SLC28A3: variants seen among roughly 807,000 people sequenced by gnomAD.
SLC28A3 encodes solute carrier family 28 member 3, also known as concentrative Na(+)-nucleoside cotransporter 3.
In SLC28A3, 68 loss-of-function variants were observed where a neutral mutation model predicts 84.2. The observed-to-expected ratio is 0.81, with a 90% CI of 0.66 to 0.99. SLC28A3 has a LOEUF of 0.99. Among genes scored for constraint, SLC28A3 ranks in the 50% least tolerant of loss-of-function variants. The pLI is 0.00. For synonymous variants in SLC28A3, 267 were observed against 303.6 expected, an observed-to-expected ratio of 0.88 and a Z score of 1.25; for missense variants, 712 against 841.5, an observed-to-expected ratio of 0.85 and a Z score of 1.90.
chr9:84,294,115 C>A, intron 9 of SLC28A3, 80 bp downstream of exon 9: 1 of 1,284,208 alleles, frequency 7.8e-7, no homozygotes, highest in Non-Finnish European at 1.1e-6. Context: ...TCGTAAATAC[C>A]TGCATAAAAG....
chr9:84,334,880 C>T (rs1269963069), intron 1 of SLC28A3, among the ~76,000 whole-genome samples: 2 of 152,262 alleles, frequency 1.3e-5, no homozygotes, highest in South Asian at 2.1e-4. Context: ...TCTGTCCTTT[C>T]GGAGTCTTTT....
intron 4 of SLC28A3, 67 bp from the exon 5 acceptor site, chr9:84,302,456 C>G: frequency 5.3e-6 from 8 of 1,520,786 alleles, no homozygotes. Flanking sequence ...AGGCTCCAGC[C>G]TTGTTCTGGC....
intron 4 of SLC28A3, among the ~76,000 whole-genome samples, chr9:84,304,030 C>A (rs1302174532): frequency 8.5e-5 from 13 of 152,230 alleles, no homozygotes; most frequent in Non-Finnish European, 1.8e-4. Context: ...GGCCACCTTG[C>A]AGGCTGCAAC....
At chr9:84,290,416 TCAC>T (rs1825168457) in intron 10 of SLC28A3, 137 bp from the exon 11 acceptor site, 1 of 1,070,676 alleles carries the variant, frequency 9.3e-7, no homozygotes, top group Non-Finnish European at 1.3e-6. Flanking sequence ...TCCATCAGCG[TCAC>T]CTGGAAACTC....
chr9:84,338,628 T>C (rs960695518), intron 1 of SLC28A3, among the ~76,000 whole-genome samples: 1 of 152,172 alleles, frequency 6.6e-6, no homozygotes, highest in African/African-American at 2.4e-5. Context: ...ATCACCACCG[T>C]TGTGTGCCCT....
chr9:84,279,862 C>T, intron 16 of SLC28A3, 113 bp downstream of exon 16: 1 of 991,356 alleles, frequency 1.0e-6, no homozygotes, highest in Non-Finnish European at 1.5e-6. Context: ...GCAGCTCTAA[C>T]TCTCAGCTTT....
the SLC28A3 span, among the ~76,000 whole-genome samples, chr9:84,366,004 C>T: frequency 1.3e-5 from 2 of 152,058 alleles, no homozygotes; most frequent in Non-Finnish European, 2.9e-5. Flanking sequence ...GAGCCAAGAT[C>T]GTGCCATTGC....
At chr9:84,322,634 C>T (rs779481811) in intron 1 of SLC28A3, among the ~76,000 whole-genome samples, 1 of 151,994 alleles carries the variant, frequency 6.6e-6, no homozygotes, top group Non-Finnish European at 1.5e-5. Context: ...CATTTGAGGT[C>T]AGGAGTCCCA....
At chr9:84,282,071 G>A (rs1824775561) in intron 14 of SLC28A3, among the ~76,000 whole-genome samples, 1 of 152,232 alleles carries the variant, frequency 6.6e-6, no homozygotes. Context: ...GAACCCGGGA[G>A]GCAGAGGTTG....
In SLC28A3 at chr9:84,288,178, C is replaced by A. The variant is rs756221981; in HGVS notation, c.1150G>T (p.Val384Phe). Residue 384 changes from valine (V) to phenylalanine (F), a missense_variant and splice_region_variant, in exon 12 of 18, where the codon GTT becomes TTT. Transcript: ENST00000376238. Reference protein sequence around the residue: ...SVLGAYISFGVPSSHLLTASV... With the variant: ...SVLGAYISFGFPSSHLLTASV... ...GCTGTTAACAAGTGGGAGGATGGAA[C>A]CTGCAATTTCAGAAGAAAGAAGGCA... The A allele has an allele frequency of 1.9e-6, 3 of 1,613,862 alleles. No homozygotes were observed. Among genetic ancestry groups the A allele is most frequent in the South Asian group, 2.2e-5 (2 of 91,070 alleles).
In SLC28A3 at chr9:84,288,223, T is replaced by C. The variant is rs1222711281; in HGVS notation, c.1150-45A>G. On this transcript the variant is annotated intron_variant, in intron 11 of 17. Coordinates refer to ENST00000376238, the MANE Select transcript of SLC28A3 (RefSeq NM_001199633.2). ...AAGGCAAACCTGGGATTAGCTTTTT[T>C]CTTGTGTTCAGAGGAAGGGTCCAAG... 3.1e-6 allele frequency: 5 copies of C among 1,611,768 alleles called. No homozygotes were observed. The South Asian group carries it at 5.5e-5, about 18-fold the overall frequency.
Position 84,309,642 on chromosome 9 carries a change from T to C in SLC28A3, c.229A>G (p.Met77Val), listed in dbSNP as rs757777899. 2 of 1,611,870 alleles carry C rather than the reference T, an allele frequency of 1.2e-6. No individual in the cohort carries two copies. ...TAAAGACTGTACCCTTTTTGTTGCA[T>C]CTCCTCATCATCATCCTCCATGTGT... is the stretch of plus-strand genomic sequence containing the variant. ...REHMEDDDEE[M>V]QQKGCLERRY... Residue 77 changes from methionine to valine, a missense_variant, in exon 3 of 18, where the codon ATG (methionine) becomes GTG (valine). Met to Val is a conservative substitution (Grantham distance 21). Coordinates refer to ENST00000376238, the MANE Select transcript of SLC28A3 (RefSeq NM_001199633.2).
At chr9:84,329,068 A>G (rs757497825) in intron 1 of SLC28A3, among the ~76,000 whole-genome samples, 1 of 152,268 alleles carries the variant, frequency 6.6e-6, no homozygotes, top group Non-Finnish European at 1.5e-5. Context: ...TAGTAACCAA[A>G]GAGAGCTTGA....
the SLC28A3 span, among the ~76,000 whole-genome samples, chr9:84,366,312 T>C: frequency 5.9e-5 from 9 of 152,164 alleles, no homozygotes; most frequent in Non-Finnish European, 8.8e-5. Flanking sequence ...TGAATCTCTT[T>C]TAGTTTCCTC....
chr9:84,290,623 G>T (rs769564224), intron 10 of SLC28A3, among the ~76,000 whole-genome samples: 1 of 151,990 alleles, frequency 6.6e-6, no homozygotes, highest in Non-Finnish European at 1.5e-5. Flanking sequence ...TGTAAAATTC[G>T]TGAGGCTAGA....
intron 14 of SLC28A3, among the ~76,000 whole-genome samples, chr9:84,283,946 T>C (rs59238011): frequency 6.6e-6 from 1 of 152,230 alleles, no homozygotes; most frequent in Non-Finnish European, 1.5e-5. Flanking sequence ...TTTCCCATCA[T>C]GATTCAACAA....
the SLC28A3 span, among the ~76,000 whole-genome samples, chr9:84,361,893 A>G: frequency 6.6e-6 from 1 of 151,614 alleles, no homozygotes; most frequent in African/African-American, 2.4e-5. Flanking sequence ...TGGGCGACAG[A>G]GCAAGAGTCT....
At chr9:84,343,092 GGTGGAGGTTGTGGTGAGTCGA>G (rs1275052048), upstream of SLC28A3, among the ~76,000 whole-genome samples, 2 of 152,148 alleles carry the variant, frequency 1.3e-5, no homozygotes, top group South Asian at 2.1e-4. Context: ...GAACCCAGGA[GGTGGAGGTTGTGGTGAGTCGA>G]GTGGAGGTTG....
At chr9:84,299,792 T>A in intron 5 of SLC28A3, 67 bp from the exon 6 acceptor site, 1 of 1,506,116 alleles carries the variant, frequency 6.6e-7, no homozygotes, top group Non-Finnish European at 8.8e-7. Context: ...TAATCAGGCT[T>A]AATTTTTTTT....
Sources: allele counts gnomAD v4.1 joint callset (sites outside exome capture counted in the v4.1 genomes callset), GRCh38; gene constraint gnomAD v4.1.1; transcripts MANE v1.5; gene names NCBI Gene and HGNC (gene_info 2026-07-23, HGNC 2026-07-21).